Variants in ST8SIA1 observed in about 807,000 individuals in gnomAD.
The protein encoded by ST8SIA1 is ST8 alpha-N-acetyl-neuraminide alpha-2,8-sialyltransferase 1.
ST8SIA1 carries 16 observed loss-of-function variants against 35.9 expected under a neutral mutation model. That is an observed-to-expected ratio of 0.45 (90% confidence interval 0.30 to 0.68). The LOEUF is 0.68. Ranked by LOEUF, ST8SIA1 falls within the 30% of genes least tolerant of loss-of-function variation. ST8SIA1 has a pLI of 0.09. For synonymous variants in ST8SIA1, 170 were observed against 169.6 expected, an observed-to-expected ratio of 1.00 and a Z score of -0.02; for missense variants, 383 against 453.6, an observed-to-expected ratio of 0.84 and a Z score of 1.41.
intron 4 of ST8SIA1, among the ~76,000 whole-genome samples, chr12:22,218,831 T>TAAAAA (rs1865264199): frequency 6.6e-6 from 1 of 150,646 alleles, no homozygotes; most frequent in East Asian, 1.9e-4. Flanking sequence ...AAAAAATAAA[T>TAAAAA]AAATAAAATA....
chr12:22,283,298 T>C (rs980316646), intron 2 of ST8SIA1, among the ~76,000 whole-genome samples: 60 of 152,342 alleles, frequency 3.9e-4, no homozygotes, highest in African/African-American at 1.4e-3. Context: ...TTTCAGATTG[T>C]ATCAGCACAG....
chr12:22,241,655 T>G (rs377261028), intron 4 of ST8SIA1, among the ~76,000 whole-genome samples: 1 of 141,462 alleles, frequency 7.1e-6, no homozygotes, highest in East Asian at 2.1e-4. Flanking sequence ...CAGGCTGGAG[T>G]GCAGTGGCGC....
At chr12:22,205,192 C>T (rs1323616621) in intron 4 of ST8SIA1, among the ~76,000 whole-genome samples, 1 of 152,094 alleles carries the variant, frequency 6.6e-6, no homozygotes, top group Non-Finnish European at 1.5e-5. Flanking sequence ...CTCTCTAAGA[C>T]TATGTACTCC....
intron 4 of ST8SIA1, among the ~76,000 whole-genome samples, chr12:22,232,640 T>A (rs753843412): frequency 5.3e-5 from 8 of 152,096 alleles, no homozygotes; most frequent in Non-Finnish European, 8.8e-5. Flanking sequence ...GATATACATA[T>A]AGTATTTAAG....
intron 1 of ST8SIA1, among the ~76,000 whole-genome samples, chr12:22,304,694 T>TA (rs1187516823): frequency 2.0e-5 from 3 of 152,212 alleles, no homozygotes; most frequent in Non-Finnish European, 1.5e-5. Context: ...AGTCTTTGTT[T>TA]AAAAAAACCT....
At position 22,232,940 on chromosome 12, in the gene ST8SIA1, T is replaced by C. The variant is rs57275562; in HGVS notation, c.584+16066A>G. Among the ~76,000 whole-genome samples, 342 of 152,298 alleles carry C rather than the reference T, an allele frequency of 2.2e-3. 1 individual carries two copies. Among genetic ancestry groups the C allele is most frequent in the African/African-American group, 7.2e-3 (301 of 41,566 alleles). The stretch of plus-strand genomic sequence containing the variant: ...AGTGGTTTAAGGAGAGAAAAATCAA[T>C]GTGTCACATGTTCCCGGTGGGTCAA... On this transcript the variant is annotated intron_variant, in intron 4 of 4. Coordinates refer to ENST00000396037, the MANE Select transcript of ST8SIA1 (RefSeq NM_003034.4).
At chr12:22,283,838 A>G (rs1471926139) in intron 2 of ST8SIA1, among the ~76,000 whole-genome samples, 1 of 152,142 alleles carries the variant, frequency 6.6e-6, no homozygotes, top group Non-Finnish European at 1.5e-5. Context: ...CACAAAAGGG[A>G]AAACCCTCTT....
intron 1 of ST8SIA1, among the ~76,000 whole-genome samples, chr12:22,329,044 G>T (rs901474953): frequency 6.6e-6 from 1 of 152,064 alleles, no homozygotes; most frequent in Non-Finnish European, 1.5e-5. Context: ...AGGTGGAGTG[G>T]GTGGCTCGAG....
At chr12:22,256,078 A>G (rs968747562) in intron 2 of ST8SIA1, among the ~76,000 whole-genome samples, 7 of 152,252 alleles carry the variant, frequency 4.6e-5, no homozygotes, top group Admixed American at 2.6e-4. Context: ...GATGAACCTT[A>G]AAGAATACGT....
intron 4 of ST8SIA1, among the ~76,000 whole-genome samples, chr12:22,209,831 G>T (rs1237535087): frequency 6.6e-6 from 1 of 151,834 alleles, no homozygotes; most frequent in Non-Finnish European, 1.5e-5. Flanking sequence ...TGTCTCTGTT[G>T]TATTTCTTCT....
intron 1 of ST8SIA1, among the ~76,000 whole-genome samples, chr12:22,304,647 A>G (rs2728818): frequency 0.59 from 90,377 of 152,036 alleles, 27,722 homozygotes; most frequent in African/African-American, 0.74. Context: ...GGCTACTCTC[A>G]GGTTTTTAGG....
chr12:22,326,689 T>G (rs1041866731), intron 1 of ST8SIA1, among the ~76,000 whole-genome samples: 2 of 152,270 alleles, frequency 1.3e-5, no homozygotes, highest in Non-Finnish European at 2.9e-5. Flanking sequence ...GAGTCTACAT[T>G]CTTTATCTGA....
chr12:22,284,266 G>A (rs775964628), intron 2 of ST8SIA1, among the ~76,000 whole-genome samples: 3 of 152,180 alleles, frequency 2.0e-5, no homozygotes, highest in Non-Finnish European at 4.4e-5. Context: ...TACAGACATG[G>A]AATCGAAGTT....
At chr12:22,294,780 T>C (rs1326537937) in intron 1 of ST8SIA1, among the ~76,000 whole-genome samples, 1 of 152,200 alleles carries the variant, frequency 6.6e-6, no homozygotes, top group Admixed American at 6.6e-5. Flanking sequence ...ACATATTTGT[T>C]TTATAATTTA....
intron 4 of ST8SIA1, among the ~76,000 whole-genome samples, chr12:22,244,063 T>C (rs191931012): frequency 5.9e-5 from 9 of 152,244 alleles, no homozygotes; most frequent in East Asian, 1.9e-4. Context: ...AATCCTTATG[T>C]TCAAGACACT....
intron 3 of ST8SIA1, among the ~76,000 whole-genome samples, chr12:22,250,122 C>G (rs745694139): frequency 1.1e-4 from 17 of 152,190 alleles, no homozygotes; most frequent in Non-Finnish European, 2.2e-4. Context: ...AAAACCCCAC[C>G]CTGCCCCAGT....
At chr12:22,254,181 C>G (rs1865703384) in intron 3 of ST8SIA1, among the ~76,000 whole-genome samples, 1 of 152,194 alleles carries the variant, frequency 6.6e-6, no homozygotes, top group African/African-American at 2.4e-5. Flanking sequence ...TGAAAGGTCC[C>G]TCAGAGTCTA....
At chr12:22,331,565 GT>G (rs1866765035) in intron 1 of ST8SIA1, among the ~76,000 whole-genome samples, 1 of 152,180 alleles carries the variant, frequency 6.6e-6, no homozygotes, top group African/African-American at 2.4e-5. Context: ...ACAGATGCTT[GT>G]TTGTCAAAGT....
At chr12:22,274,621 T>C (rs1300129285) in intron 2 of ST8SIA1, among the ~76,000 whole-genome samples, 1 of 152,232 alleles carries the variant, frequency 6.6e-6, no homozygotes, top group Non-Finnish European at 1.5e-5. Flanking sequence ...TGTACGATCT[T>C]GTTATTTCAA....
Sources: gnomAD v4.1 joint callset for allele counts (sites outside exome capture counted in the v4.1 genomes callset) on GRCh38, gnomAD v4.1.1 for gene constraint, MANE v1.5 for transcripts, NCBI Gene and HGNC (gene_info 2026-07-23, HGNC 2026-07-21) for gene names.